GPAM: variants seen among roughly 807,000 people sequenced by gnomAD.
The protein encoded by GPAM is glycerol-3-phosphate acyltransferase, mitochondrial, also known as glycerol-3-phosphate acyltransferase 1, mitochondrial.
GPAM carries 56 observed loss-of-function variants against 105.0 expected under a neutral mutation model. The ratio of observed to expected loss-of-function variants is 0.53; its 90% CI spans 0.43 to 0.67. The LOEUF is 0.67. GPAM is among the 30% of genes least tolerant of loss of function. The probability of loss-of-function intolerance (pLI) is 0.00; values close to 1 mark genes in which losing one functional copy is unlikely to be tolerated. For synonymous variants in GPAM, 368 were observed against 354.4 expected (o/e 1.04, Z -0.43); for missense variants, 855 against 989.8 (o/e 0.86, Z 1.83).
rs760527408 is a variant in GPAM at position 112,155,956 on chromosome 10, T to G, written c.2219A>C (p.His740Pro). ...EAYSSAAIFV[H>P]NFSGPVPEPE... is the part of the protein sequence containing the mutation. ...TTCTGGAACAGGACCACTGAAGTTGTGAACAAAGATGGCAGCAGAGCTGTA... is the reference window on the plus strand; with the variant it reads ...TTCTGGAACAGGACCACTGAAGTTGGGAACAAAGATGGCAGCAGAGCTGTA... Residue 740 changes from histidine (H) to proline (P), a missense_variant, in exon 20 of 22, where the codon CAC becomes CCC. His to Pro is a moderately conservative substitution (Grantham distance 77). Transcript: ENST00000348367. 6.2e-7 allele frequency: 1 copy of G among 1,612,012 alleles called. No individual in the cohort carries two copies. The highest frequency in any genetic ancestry group is 8.5e-7 in the Non-Finnish European group (1 of 1,178,106).
chr10:112,156,049 C>G lies in GPAM; in HGVS notation c.2126G>C (p.Ser709Thr), dbSNP rs775502113. 6.2e-7 allele frequency: 1 copy of G among 1,610,636 alleles called. No homozygotes were observed. The highest frequency in any genetic ancestry group is 1.1e-5 in the South Asian group (1 of 90,854). Reference protein sequence around the residue: ...EEQRDCYLKVSQSKEHQQFIT... With the variant: ...EEQRDCYLKVTQSKEHQQFIT... Reference sequence around the variant, plus strand: ...AAACTGCTGGTGCTCCTTGGATTGGCTCACCTGAGTGTGCAAAAGCAGGAG... The same window carrying G: ...AAACTGCTGGTGCTCCTTGGATTGGGTCACCTGAGTGTGCAAAAGCAGGAG... The change falls in exon 20 of 22, where the codon AGC becomes ACC. Residue 709 changes from serine to threonine, a missense_variant. Physicochemically the swap from Ser to Thr is moderately conservative, Grantham distance 58. Coordinates refer to ENST00000348367, the MANE Select transcript of GPAM (RefSeq NM_001244949.2).
At chr10:112,218,139 TCCTAACAG>T (rs1847988991), upstream of GPAM, among the ~76,000 whole-genome samples, 1 of 152,216 alleles carries the variant, frequency 6.6e-6, no homozygotes, top group Admixed American at 6.5e-5. Flanking sequence ...CTTGCTTCCT[TCCTAACAG>T]CCTACTGAGG....
chr10:112,185,235 A>G (rs913868609), upstream of GPAM, among the ~76,000 whole-genome samples: 2 of 152,204 alleles, frequency 1.3e-5, no homozygotes, highest in Non-Finnish European at 2.9e-5. Context: ...GAATATTTAC[A>G]GGAAATTAAA....
chr10:112,202,495 GA>G (rs1847809296), intron 1 of GPAM, among the ~76,000 whole-genome samples: 1 of 152,120 alleles, frequency 6.6e-6, no homozygotes, highest in Admixed American at 6.5e-5. Context: ...GGCAAAATAG[GA>G]AATTGAGTTC....
intron 1 of GPAM, among the ~76,000 whole-genome samples, chr10:112,207,271 C>G (rs568834745): frequency 6.6e-6 from 1 of 152,272 alleles, no homozygotes; most frequent in African/African-American, 2.4e-5. Context: ...ATATATAGCA[C>G]CTATAGGGCC....
At position 112,150,297 on chromosome 10, in the gene GPAM, T is replaced by C. The variant is rs955502392; in HGVS notation, c.*3253A>G. 1.0e-6 allele frequency: 1 copy of C among 985,196 alleles called. No homozygotes were observed. The highest frequency in any genetic ancestry group is 1.2e-6 in the Non-Finnish European group (1 of 829,412). 61.0% of individuals were successfully genotyped at this position (985,196 alleles called of 1,614,324 possible). ...TAAAAATCTGCATTCAAACGTACAATACTTTCTTCTAGATCTGAATTAAAA... is the reference window on the plus strand; with the variant it reads ...TAAAAATCTGCATTCAAACGTACAACACTTTCTTCTAGATCTGAATTAAAA... On this transcript the variant is annotated 3_prime_UTR_variant, in exon 22 of 22. Coordinates refer to ENST00000348367, the MANE Select transcript of GPAM (RefSeq NM_001244949.2).
intron 21 of GPAM, 130 bp downstream of exon 21, chr10:112,154,499 C>A: frequency 2.8e-6 from 2 of 723,342 alleles, no homozygotes; most frequent in Admixed American, 2.0e-5. Context: ...CCCAAAAATG[C>A]CTTTATCATT....
chr10:112,153,346 A>G lies in GPAM; in HGVS notation c.*204T>C, dbSNP rs541180265. ...GCGAATAGAGGCTGAGGTCCCCCCA[A>G]GTGTTATCTGCAGGCTGCTGTGTTG... On this transcript the variant is annotated 3_prime_UTR_variant, in exon 22 of 22. Transcript: ENST00000348367. 281 of 1,485,820 alleles carry G rather than the reference A, an allele frequency of 1.9e-4. No individual in the cohort carries two copies. Among genetic ancestry groups the G allele is most frequent in the Non-Finnish European group, 2.4e-4 (265 of 1,123,890 alleles). The allele number at this position is 1,485,820 out of a possible 1,614,324, so 92.0% of individuals were successfully genotyped here.
chr10:112,210,565 GA>G, intron 1 of GPAM, among the ~76,000 whole-genome samples: 1 of 152,366 alleles, frequency 6.6e-6, no homozygotes. Context: ...TAGGGAAGAA[GA>G]GATGGAGAAA....
the GPAM span, among the ~76,000 whole-genome samples, chr10:112,225,834 T>C: frequency 1.3e-5 from 2 of 152,184 alleles, no homozygotes; most frequent in Non-Finnish European, 2.9e-5. Context: ...CAAGCATGTT[T>C]TGTTTTGCTC....
At chr10:112,227,643 C>T in the GPAM span, among the ~76,000 whole-genome samples, 9 of 152,334 alleles carry the variant, frequency 5.9e-5, no homozygotes, top group East Asian at 3.9e-4. Flanking sequence ...GCTGAAGACA[C>T]GCACTGAGCA....
At chr10:112,176,829 C>A (rs1304411276) in intron 5 of GPAM, among the ~76,000 whole-genome samples, 1 of 152,148 alleles carries the variant, frequency 6.6e-6, no homozygotes, top group Non-Finnish European at 1.5e-5. Flanking sequence ...TTAGGCTTTG[C>A]TTCATAGAAT....
chr10:112,158,353 C>T lies in GPAM; in HGVS notation c.1943G>A (p.Gly648Glu), dbSNP rs779945457. Residue 648 changes from glycine (G) to glutamate (E), a missense_variant, in exon 18 of 22, where the codon GGA (glycine) becomes GAA (glutamate). Physicochemically the swap from Gly to Glu is moderately conservative, Grantham distance 98. Transcript: ENST00000348367. ...TFYQVCHETV[G>E]KFIQYGILTV... ...AAGAATGCCATACTGGATAAACTTT[C>T]CTACTGTTTCATGGCAGACTTGGTA... is the stretch of plus-strand genomic sequence containing the variant. 1 of 1,607,032 alleles carries T rather than the reference C, an allele frequency of 6.2e-7. No homozygotes were observed. The highest frequency in any genetic ancestry group is 8.5e-7 in the Non-Finnish European group (1 of 1,173,480).
chr10:112,202,396 AAAG>A (rs1847808523), intron 1 of GPAM, among the ~76,000 whole-genome samples: 1 of 152,226 alleles, frequency 6.6e-6, no homozygotes, highest in South Asian at 2.1e-4. Context: ...GGGGTGAAGA[AAAG>A]AAGAACATTC....
Position 112,180,564 on chromosome 10 carries a change from C to G in GPAM, c.134G>C (p.Arg45Thr), listed in dbSNP as rs751424203. 1.4e-5 allele frequency: 22 copies of G among 1,611,678 alleles called. No homozygotes were observed. Among genetic ancestry groups the G allele is most frequent in the Non-Finnish European group, 1.8e-5 (21 of 1,177,922 alleles). The change falls in exon 4 of 22, where the codon AGA becomes ACA. Residue 45 changes from arginine (R) to threonine (T), a missense_variant. Coordinates refer to ENST00000348367, the MANE Select transcript of GPAM (RefSeq NM_001244949.2). Reference protein sequence around the residue: ...GECGFRPTIFRSATLKWKESL... With the variant: ...GECGFRPTIFTSATLKWKESL... ...TTCTTTCCATTTTAAAGTTGCAGATCTGAAGATGGTGGGTCTAAAGCCACA... is the reference window on the plus strand; with the variant it reads ...TTCTTTCCATTTTAAAGTTGCAGATGTGAAGATGGTGGGTCTAAAGCCACA...
intron 11 of GPAM, among the ~76,000 whole-genome samples, chr10:112,167,545 T>C (rs1847239565): frequency 6.6e-6 from 1 of 152,182 alleles, no homozygotes; most frequent in Non-Finnish European, 1.5e-5. Context: ...TGAGAAGGAA[T>C]AGACTACATG....
chr10:112,150,846 G>A lies in GPAM; in HGVS notation c.*2704C>T, dbSNP rs143310288. On this transcript the variant is annotated 3_prime_UTR_variant, in exon 22 of 22. Transcript: ENST00000348367. ...TATGGGAAATGCTTTTCCCCATCCA[G>A]GTTACTGGCAATTCCACAATTTGGG... 1.7e-3 allele frequency: 1,656 copies of A among 984,726 alleles called. 23 individuals are homozygous for A. The African/African-American group carries it at 0.026, about 16-fold the overall frequency. 61.0% of individuals were successfully genotyped at this position (984,726 alleles called of 1,614,324 possible).
chr10:112,166,443 CAT>C lies in GPAM; in HGVS notation c.1178_1179del (p.Tyr393TrpfsTer46), dbSNP rs1459662461. On this transcript the variant is annotated frameshift_variant, in exon 12 of 22. Transcript: ENST00000348367. LOFTEE classifies it high-confidence loss of function. ...RGVIRMLRKN[Y>X]GCVRVDFAQP... ...TGTGCAAAATCCACTCGGACACAAC[CAT>C]AGTTTTTTCGTAACATTCTAATAAC... 19 of 1,610,784 alleles carry C rather than the reference CAT, an allele frequency of 1.2e-5. No homozygotes were observed. The highest frequency in any genetic ancestry group is 1.5e-5 in the Non-Finnish European group (18 of 1,176,920).
At chr10:112,178,763 CAA>C (rs1268316563) in intron 4 of GPAM, among the ~76,000 whole-genome samples, 1 of 152,146 alleles carries the variant, frequency 6.6e-6, no homozygotes, top group Non-Finnish European at 1.5e-5. Context: ...ATCCCTGACA[CAA>C]AAGAGTTATC....
Sources: allele counts gnomAD v4.1 joint callset (sites outside exome capture counted in the v4.1 genomes callset), GRCh38; gene constraint gnomAD v4.1.1; transcripts MANE v1.5; gene names NCBI Gene and HGNC (gene_info 2026-07-23, HGNC 2026-07-21).